Variants in MARCHF1 observed in about 807,000 individuals in gnomAD.
MARCHF1 encodes E3 ubiquitin-protein ligase MARCHF1.
MARCHF1 carries 40 observed loss-of-function variants against 54.2 expected under a neutral mutation model. The ratio of observed to expected loss-of-function variants is 0.74; its 90% CI spans 0.57 to 0.96. The LOEUF is 0.96. Among genes scored for constraint, MARCHF1 ranks in the 40% least tolerant of loss-of-function variants. The probability of loss-of-function intolerance (pLI) is 0.00; values close to 1 mark genes in which losing one functional copy is unlikely to be tolerated. For synonymous variants in MARCHF1, 236 were observed against 236.3 expected (o/e 1.00, Z 0.01); for missense variants, 586 against 656.5 (o/e 0.89, Z 1.17).
At chr4:163,923,889 T>TAGGCC in intron 3 of MARCHF1, among the ~76,000 whole-genome samples, 1 of 148,712 alleles carries the variant, frequency 6.7e-6, no homozygotes, top group Non-Finnish European at 1.5e-5. Context: ...TAGGTGATGA[T>TAGGCC]AGATAGATAA....
intron 2 of MARCHF1, among the ~76,000 whole-genome samples, chr4:164,019,480 C>G (rs1479196214): frequency 6.6e-6 from 1 of 152,100 alleles, no homozygotes; most frequent in Non-Finnish European, 1.5e-5. Context: ...TGTCTGTGAG[C>G]AGATGGAAAA....
chr4:163,983,821 T>G (rs909538407), intron 3 of MARCHF1, among the ~76,000 whole-genome samples: 2 of 152,086 alleles, frequency 1.3e-5, no homozygotes, highest in Admixed American at 6.5e-5. Flanking sequence ...TTAAGTAATG[T>G]GAAAAGGTTA....
intron 4 of MARCHF1, among the ~76,000 whole-genome samples, chr4:163,816,404 T>G (rs1748533795): frequency 6.6e-6 from 1 of 151,764 alleles, no homozygotes; most frequent in Admixed American, 6.6e-5. Context: ...TAAATAGTAT[T>G]CAAGTTCAAC....
In MARCHF1 at chr4:164,223,891, TTTAAA is replaced by T. The variant is rs150833764; in HGVS notation, c.-322-112234_-322-112230del. Among the ~76,000 whole-genome samples, 159 of 150,826 alleles carry T rather than the reference TTTAAA, an allele frequency of 1.1e-3. 1 individual carries two copies. The East Asian group carries it at 0.026, about 25-fold the overall frequency. ...CTTTGAAAATTCTTCTAAAAACCTA[TTTAAA>T]TTAATTTGTGCAATTGTTACATTTT... On this transcript the variant is annotated intron_variant, in intron 1 of 9. Coordinates refer to ENST00000514618, the MANE Select transcript of MARCHF1 (RefSeq NM_001394959.1).
intron 4 of MARCHF1, among the ~76,000 whole-genome samples, chr4:163,802,382 G>T (rs922489098): frequency 4.6e-5 from 7 of 151,980 alleles, no homozygotes; most frequent in African/African-American, 1.7e-4. Context: ...AAGTGATATG[G>T]TAATAAAAGT....
At chr4:164,098,913 C>A (rs1159336414) in intron 2 of MARCHF1, among the ~76,000 whole-genome samples, 2 of 152,126 alleles carry the variant, frequency 1.3e-5, no homozygotes, top group Non-Finnish European at 2.9e-5. Flanking sequence ...GTAAGTGGTC[C>A]AATTTTTCTC....
At chr4:163,603,863 C>A (rs1446003359) in intron 7 of MARCHF1, among the ~76,000 whole-genome samples, 1 of 152,108 alleles carries the variant, frequency 6.6e-6, no homozygotes, top group East Asian at 1.9e-4. Context: ...AAGAACTGAG[C>A]CTCTCAATTT....
At chr4:163,664,291 C>G (rs2111108907) in intron 5 of MARCHF1, among the ~76,000 whole-genome samples, 1 of 152,024 alleles carries the variant, frequency 6.6e-6, no homozygotes, top group Non-Finnish European at 1.5e-5. Flanking sequence ...CAGATGTATA[C>G]AGAAGATCAA....
intron 2 of MARCHF1, among the ~76,000 whole-genome samples, chr4:164,007,815 T>C (rs1351596714): frequency 3.9e-5 from 6 of 152,002 alleles, no homozygotes; most frequent in Non-Finnish European, 7.4e-5. Flanking sequence ...CAAAAACTTA[T>C]AATGGATTCA....
chr4:163,617,095 T>C (rs1741539621), intron 5 of MARCHF1, among the ~76,000 whole-genome samples: 2 of 152,178 alleles, frequency 1.3e-5, no homozygotes, highest in Middle Eastern at 6.8e-3. Context: ...CAAAATCATG[T>C]CATTTGCAGC....
At chr4:163,902,379 T>C (rs1750962442) in intron 3 of MARCHF1, among the ~76,000 whole-genome samples, 1 of 152,232 alleles carries the variant, frequency 6.6e-6, no homozygotes, top group Non-Finnish European at 1.5e-5. Flanking sequence ...ACCAAGAGAA[T>C]GCTATCTCTG....
intron 3 of MARCHF1, among the ~76,000 whole-genome samples, chr4:163,869,251 G>C (rs1750119669): frequency 6.6e-6 from 1 of 152,008 alleles, no homozygotes; most frequent in Non-Finnish European, 1.5e-5. Flanking sequence ...GTGATAACTT[G>C]GACATTTACG....
At chr4:164,002,078 G>T (rs1238197772) in intron 2 of MARCHF1, among the ~76,000 whole-genome samples, 1 of 151,592 alleles carries the variant, frequency 6.6e-6, no homozygotes, top group African/African-American at 2.4e-5. Context: ...TCTAAAGGAA[G>T]ACATTAAAAC....
chr4:164,159,281 T>C (rs892379992), intron 1 of MARCHF1, among the ~76,000 whole-genome samples: 1 of 152,178 alleles, frequency 6.6e-6, no homozygotes, highest in African/African-American at 2.4e-5. Flanking sequence ...AAAGTAATCG[T>C]GGATTTTGCT....
Position 164,197,642 on chromosome 4 carries a change from G to C in MARCHF1, c.-322-85980C>G, listed in dbSNP as rs116499257. The C allele has an allele frequency of 1.9e-5, 30 of 1,612,908 alleles. No homozygotes were observed. The South Asian group carries it at 3.2e-4, about 17-fold the overall frequency. ...CCTTCATTCGACCGACTGTTGTCCAGGGCAAGTTCTTTCACATCAGAGGGC... is the reference window on the plus strand; with the variant it reads ...CCTTCATTCGACCGACTGTTGTCCACGGCAAGTTCTTTCACATCAGAGGGC... On this transcript the variant is annotated intron_variant, in intron 1 of 9. Transcript: ENST00000514618.
At chr4:163,853,428 AGT>A (rs1209049078) in intron 4 of MARCHF1, among the ~76,000 whole-genome samples, 1 of 152,236 alleles carries the variant, frequency 6.6e-6, no homozygotes, top group Non-Finnish European at 1.5e-5. Context: ...TTTGCTAATG[AGT>A]GCTTTGTCCT....
intron 4 of MARCHF1, among the ~76,000 whole-genome samples, chr4:163,765,627 A>G (rs757973873): frequency 2.6e-5 from 4 of 151,942 alleles, no homozygotes; most frequent in Non-Finnish European, 5.9e-5. Context: ...ATATATAGAG[A>G]GAAATACGTA....
intron 1 of MARCHF1, among the ~76,000 whole-genome samples, chr4:164,156,722 C>T (rs1347821068): frequency 6.6e-6 from 1 of 152,144 alleles, no homozygotes; most frequent in Non-Finnish European, 1.5e-5. Context: ...AGTCACCATG[C>T]CCGCCCTTAA....
intron 3 of MARCHF1, among the ~76,000 whole-genome samples, chr4:163,875,717 T>A (rs181788951): frequency 6.6e-6 from 1 of 152,234 alleles, no homozygotes; most frequent in African/African-American, 2.4e-5. Flanking sequence ...AACTGCCTAA[T>A]TCGTATTTTG....
Sources: gnomAD v4.1 joint callset for allele counts (sites outside exome capture counted in the v4.1 genomes callset) on GRCh38, gnomAD v4.1.1 for gene constraint, MANE v1.5 for transcripts, NCBI Gene and HGNC (gene_info 2026-07-23, HGNC 2026-07-21) for gene names.